Variants in PEBP4 observed in about 807,000 individuals in gnomAD.
The protein encoded by PEBP4 is phosphatidylethanolamine-binding protein 4.
Under a neutral mutation model 23.9 loss-of-function variants are expected in PEBP4, and 22 were observed. The observed-to-expected ratio is 0.92, with a 90% confidence interval of 0.66 to 1.31. The LOEUF (loss-of-function observed/expected upper bound fraction) is 1.31. Ranked by LOEUF, PEBP4 falls within the 40% of genes most tolerant of loss-of-function variation. The pLI is 0.00. For missense variants in PEBP4, 324 were observed against 281.7 expected, an observed-to-expected ratio of 1.15 and a Z score of -1.07; for synonymous variants, 112 against 99.3, an observed-to-expected ratio of 1.13 and a Z score of -0.76.
chr8:22,754,895 T>C (rs1805344862), intron 4 of PEBP4: 1 of 152,304 alleles, frequency 6.6e-6, no homozygotes, highest in Non-Finnish European at 1.5e-5. Context: ...GCCTCAGTGT[T>C]CTCATCTATA....
intron 3 of PEBP4, among the ~76,000 whole-genome samples, chr8:22,919,663 G>A (rs751461167): frequency 3.9e-5 from 6 of 152,204 alleles, no homozygotes; most frequent in East Asian, 1.9e-4. Flanking sequence ...AAAGAAGAGC[G>A]TGTCTCATGT....
chr8:22,841,177 C>T (rs533934021), intron 3 of PEBP4, among the ~76,000 whole-genome samples: 9 of 152,370 alleles, frequency 5.9e-5, no homozygotes, highest in African/African-American at 1.9e-4. Context: ...CCCAAGGGCA[C>T]ATCATAAGTA....
At chr8:22,855,267 G>A (rs570930272) in intron 3 of PEBP4, among the ~76,000 whole-genome samples, 3 of 152,268 alleles carry the variant, frequency 2.0e-5, no homozygotes, top group East Asian at 1.9e-4. Context: ...GGGTCACACC[G>A]TGTAGTGACA....
chr8:22,719,546 T>C (rs544589520), intron 6 of PEBP4, among the ~76,000 whole-genome samples: 14 of 152,288 alleles, frequency 9.2e-5, no homozygotes, highest in African/African-American at 3.1e-4. Flanking sequence ...GATGCAACTG[T>C]GCTCTGTCTG....
At chr8:22,795,143 GTATA>G (rs1206085493) in intron 4 of PEBP4, among the ~76,000 whole-genome samples, 4 of 49,910 alleles carry the variant, frequency 8.0e-5, no homozygotes, top group African/African-American at 1.8e-4. Context: ...ATGTGTGTGT[GTATA>G]TATATATATA....
In PEBP4 at chr8:22,927,844, A is replaced by AG; in HGVS notation, c.-29dup. On this transcript the variant is annotated 5_prime_UTR_variant, in exon 1 of 7. Transcript: ENST00000256404. Reference sequence around the variant, plus strand: ...AGACCTCTGGTTAAGCACAGGGAGAAGGACAGGCAGCTTCCAGGGCTCCGC... The same window carrying AG: ...AGACCTCTGGTTAAGCACAGGGAGAAGGGACAGGCAGCTTCCAGGGCTCCGC... 1 of 1,217,898 alleles carries AG rather than the reference A, an allele frequency of 8.2e-7. No homozygotes were observed. Among genetic ancestry groups the AG allele is most frequent in the Non-Finnish European group, 1.1e-6 (1 of 876,814 alleles). 75.4% of individuals were successfully genotyped at this position (1,217,898 alleles called of 1,614,324 possible).
intron 3 of PEBP4, among the ~76,000 whole-genome samples, chr8:22,900,626 G>T (rs1367457554): frequency 6.7e-6 from 1 of 149,710 alleles, no homozygotes; most frequent in Non-Finnish European, 1.5e-5. Context: ...TCCAGCCTGG[G>T]TAATGGAGAA....
chr8:22,728,565 TTCCTTCCTTCCTTCCTTC>T (rs1804668691), intron 4 of PEBP4, among the ~76,000 whole-genome samples: 3 of 79,308 alleles, frequency 3.8e-5, no homozygotes, highest in Admixed American at 1.2e-4. Flanking sequence ...TCTTTCTTCC[TTCCTTCCTTCCTTCCTTC>T]CTTCCTTCCT....
At chr8:22,781,460 T>G (rs984410109) in intron 4 of PEBP4, among the ~76,000 whole-genome samples, 5 of 152,164 alleles carry the variant, frequency 3.3e-5, no homozygotes, top group African/African-American at 1.2e-4. Context: ...ACTTTTTTTT[T>G]GGAAACAATT....
chr8:22,727,352 T>A, intron 4 of PEBP4, 132 bp from the exon 5 acceptor site: 4 of 871,374 alleles, frequency 4.6e-6, no homozygotes, highest in South Asian at 4.4e-5. Context: ...AGAAGTAGGA[T>A]GGGAGAGGAG....
chr8:22,762,502 T>C (rs945032548), intron 4 of PEBP4, among the ~76,000 whole-genome samples: 2 of 152,116 alleles, frequency 1.3e-5, no homozygotes, highest in African/African-American at 4.8e-5. Context: ...AAAAGCAAGG[T>C]CAATTTTGAG....
At chr8:22,878,558 C>T (rs887439868) in intron 3 of PEBP4, among the ~76,000 whole-genome samples, 13 of 152,192 alleles carry the variant, frequency 8.5e-5, no homozygotes, top group Admixed American at 1.3e-4. Context: ...AATCACAAAG[C>T]GCAGACAGGT....
At chr8:22,939,963 G>A (rs1211863441) in intron 1 of PEBP4, among the ~76,000 whole-genome samples, 1 of 152,184 alleles carries the variant, frequency 6.6e-6, no homozygotes, top group Non-Finnish European at 1.5e-5. Flanking sequence ...ATCTATTAAT[G>A]AATCACTTCA....
intron 3 of PEBP4, among the ~76,000 whole-genome samples, chr8:22,854,073 T>G (rs1481854788): frequency 6.6e-6 from 1 of 152,148 alleles, no homozygotes; most frequent in Non-Finnish European, 1.5e-5. Flanking sequence ...CACAGATAGG[T>G]GGTCTCACAG....
At chr8:22,784,959 G>A (rs1805999633) in intron 4 of PEBP4, among the ~76,000 whole-genome samples, 1 of 152,178 alleles carries the variant, frequency 6.6e-6, no homozygotes, top group Admixed American at 6.5e-5. Context: ...GCGGGTGCTG[G>A]GGACACTGCT....
chr8:22,900,656 CA>C (rs111459741), intron 3 of PEBP4, among the ~76,000 whole-genome samples: 146 of 134,312 alleles, frequency 1.1e-3, no homozygotes, highest in African/African-American at 1.3e-3. Flanking sequence ...ACTCTGTCTC[CA>C]AAAAAAAAAA....
intron 4 of PEBP4, among the ~76,000 whole-genome samples, chr8:22,737,869 G>A: frequency 6.6e-6 from 1 of 152,198 alleles, no homozygotes; most frequent in East Asian, 1.9e-4. Context: ...AAGTCCCGCA[G>A]CGCCGTCCAA....
chr8:22,877,179 G>T (rs1039965256), intron 3 of PEBP4, among the ~76,000 whole-genome samples: 7 of 152,138 alleles, frequency 4.6e-5, no homozygotes, highest in African/African-American at 1.7e-4. Flanking sequence ...TCAGCCTCAG[G>T]GATAAGGTGT....
intron 1 of PEBP4, among the ~76,000 whole-genome samples, chr8:22,936,584 C>T (rs572022634): frequency 1.3e-5 from 2 of 152,206 alleles, no homozygotes; most frequent in Non-Finnish European, 2.9e-5. Flanking sequence ...GGAGAGAATA[C>T]TCCCTGACTC....
Sources: allele counts gnomAD v4.1 joint callset (sites outside exome capture counted in the v4.1 genomes callset), GRCh38; gene constraint gnomAD v4.1.1; transcripts MANE v1.5; gene names NCBI Gene and HGNC (gene_info 2026-07-23, HGNC 2026-07-21).